The following GLYCTK variants were observed in gnomAD, a reference collection of about 807,000 sequenced individuals.
GLYCTK encodes the protein HBeAg binding protein 4.
In GLYCTK, 22 loss-of-function variants were observed where a neutral mutation model predicts 24.8. The observed-to-expected ratio is 0.89, with a 90% CI of 0.63 to 1.27. The LOEUF (loss-of-function observed/expected upper bound fraction) is 1.27, where lower values mean the gene tolerates loss of function less well. GLYCTK is among the 50% of genes most tolerant of loss of function. The pLI is 0.00. For missense variants in GLYCTK, 684 were observed against 686.7 expected (o/e 1.00, Z 0.04); for synonymous variants, 320 against 297.2 (o/e 1.08, Z -0.79).
Position 52,294,968 on chromosome 3 carries a change from CTGAGGGCTTTGGGTA to C in GLYCTK, c.*1845_*1859del. ...GGGCACATGACTCCCTGCATCCCTG[CTGAGGGCTTTGGGTA>C]TGGATAGGATCTTGCAGGAGGTTCC... On this transcript the variant is annotated 3_prime_UTR_variant, in exon 5 of 5. Transcript: ENST00000436784. The C allele has an allele frequency of 2.2e-6, 1 of 454,086 alleles. No individual in the cohort carries two copies. Among genetic ancestry groups the C allele is most frequent in the Non-Finnish European group, 4.4e-6 (1 of 226,780 alleles). 28.1% of individuals were successfully genotyped at this position (454,086 alleles called of 1,614,324 possible).
At chr3:52,292,133 T>C in intron 4 of GLYCTK, 127 bp from the exon 5 acceptor site, 2 of 1,352,882 alleles carry the variant, frequency 1.5e-6, no homozygotes, top group East Asian at 4.6e-5. Flanking sequence ...TGAGAGGAGT[T>C]AACCATGGGT....
intron 3 of GLYCTK, 83 bp from the exon 4 acceptor site, chr3:52,291,664 C>T: frequency 7.5e-7 from 1 of 1,338,072 alleles, no homozygotes; most frequent in Admixed American, 1.8e-5. Flanking sequence ...CCCCCTTTTT[C>T]TAATGTGGGC....
In GLYCTK at chr3:52,290,942, T is replaced by G; in HGVS notation, c.378-18T>G. The G allele has an allele frequency of 6.2e-7, 1 of 1,613,984 alleles. No homozygotes were observed. Among genetic ancestry groups the G allele is most frequent in the East Asian group, 2.2e-5 (1 of 44,888 alleles). ...GGAGTCCACCCCATCTCTTGCGTGC[T>G]GACCTTTCCCTCCCCAGGGAGATGC... On this transcript the variant is annotated intron_variant, in intron 2 of 4. Coordinates refer to ENST00000436784, the MANE Select transcript of GLYCTK (RefSeq NM_145262.4).
In GLYCTK at chr3:52,295,070, C is replaced by T. The variant is rs553497748; in HGVS notation, c.*1944C>T. Reference sequence around the variant, plus strand: ...TTGTAGGGGCTGGGAGGCCAGGGCCCGGATTGGACCCCATAGGGCCAAATG... The same window carrying T: ...TTGTAGGGGCTGGGAGGCCAGGGCCTGGATTGGACCCCATAGGGCCAAATG... On this transcript the variant is annotated 3_prime_UTR_variant, in exon 5 of 5. Coordinates refer to ENST00000436784, the MANE Select transcript of GLYCTK (RefSeq NM_145262.4). The T allele has an allele frequency of 1.5e-5, 7 of 454,024 alleles. No individual in the cohort carries two copies. The highest frequency in any genetic ancestry group is 1.4e-4 in the Admixed American group (6 of 42,578). The allele number at this position is 454,024 out of a possible 1,614,324, so 28.1% of individuals were successfully genotyped here.
Position 52,292,907 on chromosome 3 carries a change from C to T in GLYCTK, c.1353C>T (p.Thr451=), listed in dbSNP as rs774322722. The change falls in exon 5 of 5, where the codon ACC becomes ACT. Residue 451 remains threonine (T), a synonymous_variant. Coordinates refer to ENST00000436784, the MANE Select transcript of GLYCTK (RefSeq NM_145262.4). ...PIDVLFLSGG[T]DGQDGPTEAA... ...ATGTGCTGTTTTTGAGCGGTGGCAC[C>T]GATGGGCAGGATGGGCCCACAGAGG... The T allele has an allele frequency of 1.1e-5, 17 of 1,613,910 alleles. No individual in the cohort carries two copies. The highest frequency in any genetic ancestry group is 3.3e-4 in the Middle Eastern group (2 of 6,084).
chr3:52,290,851 A>G, intron 2 of GLYCTK, 109 bp from the exon 3 acceptor site: 1 of 1,585,634 alleles, frequency 6.3e-7, no homozygotes, highest in African/African-American at 1.3e-5. Flanking sequence ...CCCAGGATGC[A>G]TGTCAGTGGG....
In GLYCTK at chr3:52,293,053, C is replaced by T. The variant is rs1442380600; in HGVS notation, c.1499C>T (p.Ala500Val). 11 of 1,614,118 alleles carry T rather than the reference C, an allele frequency of 6.8e-6. No homozygotes were observed. The highest frequency in any genetic ancestry group is 8.5e-6 in the Non-Finnish European group (10 of 1,180,022). The change falls in exon 5 of 5, where the codon GCA becomes GTA. Residue 500 changes from alanine (A) to valine (V), a missense_variant. Ala to Val is a moderately conservative substitution (Grantham distance 64, BLOSUM62 0). Coordinates refer to ENST00000436784, the MANE Select transcript of GLYCTK (RefSeq NM_145262.4). ...TTCTTCTGCTGCCTCCAGGGTGGGG[C>T]ACACCTGCTGCACACAGGGATGACA... is the stretch of plus-strand genomic sequence containing the variant. ...HTFFCCLQGG[A>V]HLLHTGMTGT...
rs1030916593 is a variant in GLYCTK at position 52,293,211 on chromosome 3, T to G, written c.*85T>G. 7.0e-7 allele frequency: 1 copy of G among 1,432,646 alleles called. No individual in the cohort carries two copies. The highest frequency in any genetic ancestry group is 9.7e-7 in the Non-Finnish European group (1 of 1,031,318). The allele number at this position is 1,432,646 out of a possible 1,614,324, so 88.7% of individuals were successfully genotyped here. A position where few individuals can be genotyped will look rare whatever the true frequency, so the allele number is the denominator to read the frequency against. On this transcript the variant is annotated 3_prime_UTR_variant, in exon 5 of 5. Transcript: ENST00000436784. ...GAGCAAGGTTGGTCCTCAGGGCCTC[T>G]CTAAGCCTTAGGGCCCCTCCTCTCC... is the stretch of plus-strand genomic sequence containing the variant.
chr3:52,290,250 G>A (rs1196330027), intron 1 of GLYCTK, 54 bp from the exon 2 acceptor site: 1 of 1,467,784 alleles, frequency 6.8e-7, no homozygotes, highest in South Asian at 1.3e-5. Context: ...GCGGCCGTGG[G>A]GGACCTCCTG....
intron 1 of GLYCTK, 176 bp downstream of exon 1, chr3:52,288,052 T>A (rs1474378918): frequency 4.1e-6 from 1 of 245,876 alleles, no homozygotes; most frequent in Admixed American, 4.8e-5. Flanking sequence ...CCCTACTGTC[T>A]AGGGAAAGCC....
chr3:52,290,141 T>A, intron 1 of GLYCTK, 163 bp from the exon 2 acceptor site: 1 of 619,824 alleles, frequency 1.6e-6, no homozygotes, highest in Non-Finnish European at 2.8e-6. Context: ...ACGAGTAAGA[T>A]CCTGCAGCTG....
Position 52,291,913 on chromosome 3 carries a change from C to G in GLYCTK, c.696C>G (p.Tyr232Ter). The change falls in exon 4 of 5, where the codon TAC becomes TAG. Residue 232 changes from tyrosine (Y) to a stop codon, truncating the protein, a stop_gained. Transcript: ENST00000436784. LOFTEE classifies it high-confidence loss of function. ...LKGGGLAQAA[Y>*]PAQVVSLILS... Reference sequence around the variant, plus strand: ...GTGGGGGGCTGGCTCAGGCCGCCTACCCTGCCCAGGTATGAGTCCCTTCTT... The same window carrying G: ...GTGGGGGGCTGGCTCAGGCCGCCTAGCCTGCCCAGGTATGAGTCCCTTCTT... 6.2e-7 allele frequency: 1 copy of G among 1,612,834 alleles called. No homozygotes were observed. The highest frequency in any genetic ancestry group is 1.3e-5 in the African/African-American group (1 of 75,046).
Position 52,293,002 on chromosome 3 carries a change from TC to T in GLYCTK, c.1450del (p.Leu484Ter), listed in dbSNP as rs1700534123. 1 of 1,614,178 alleles carries T rather than the reference TC, an allele frequency of 6.2e-7. No homozygotes were observed. The highest frequency in any genetic ancestry group is 8.5e-7 in the Non-Finnish European group (1 of 1,180,018). On this transcript the variant is annotated frameshift_variant, in exon 5 of 5. Coordinates refer to ENST00000436784, the MANE Select transcript of GLYCTK (RefSeq NM_145262.4). LOFTEE classifies it high-confidence loss of function. ...GCTGAGGGCCTGGACATAGCCACCT[TC>T]CTAGCCCACAATGACTCACATACCT... ...AAAEGLDIAT[F>X]LAHNDSHTFF... is the part of the protein sequence containing the mutation.
rs1433875291 is a variant in GLYCTK, at chr3:52,294,245, A to G, written c.*1119A>G. On this transcript the variant is annotated 3_prime_UTR_variant, in exon 5 of 5. Coordinates refer to ENST00000436784, the MANE Select transcript of GLYCTK (RefSeq NM_145262.4). The stretch of plus-strand genomic sequence containing the variant: ...GTCCCCGCCGTGCGCCACGGCTCCA[A>G]TCCCTATATGAGTGAGCAGTAGAAT... The G allele has an allele frequency of 3.7e-6, 2 of 534,630 alleles. No homozygotes were observed. The highest frequency in any genetic ancestry group is 7.7e-6 in the Non-Finnish European group (2 of 260,072). The allele number at this position is 534,630 out of a possible 1,614,324, so 33.1% of individuals were successfully genotyped here.
chr3:52,291,156 ACC>A, intron 3 of GLYCTK, 45 bp downstream of exon 3: 1 of 1,599,894 alleles, frequency 6.3e-7, no homozygotes, highest in Non-Finnish European at 8.5e-7. Flanking sequence ...GGGGTGCACC[ACC>A]TGATCTCTCA....
chr3:52,293,178 A>G lies in GLYCTK; in HGVS notation c.*52A>G. 1 of 1,600,796 alleles carries G rather than the reference A, an allele frequency of 6.2e-7. No homozygotes were observed. Among genetic ancestry groups the G allele is most frequent in the Non-Finnish European group, 8.5e-7 (1 of 1,173,084 alleles). On this transcript the variant is annotated 3_prime_UTR_variant, in exon 5 of 5. Transcript: ENST00000436784. Reference sequence around the variant, plus strand: ...AGAGGAGGCCTACAAGGGCAAGGTCAGATGGCAGAGCAAGGTTGGTCCTCA... The same window carrying G: ...AGAGGAGGCCTACAAGGGCAAGGTCGGATGGCAGAGCAAGGTTGGTCCTCA...
At position 52,292,720 on chromosome 3, in the gene GLYCTK, A is replaced by G. The variant is rs1409009615; in HGVS notation, c.1166A>G (p.Glu389Gly). 1 of 1,608,782 alleles carries G rather than the reference A, an allele frequency of 6.2e-7. No homozygotes were observed. Among genetic ancestry groups the G allele is most frequent in the African/African-American group, 1.3e-5 (1 of 74,846 alleles). ...AELQIPDLQL[E>G]EALETMAWGR... is the part of the protein sequence containing the mutation. ...CTTCAGATCCCAGACCTGCAGCTGG[A>G]GGAGGCTCTGGAGACCATGGCATGG... The change falls in exon 5 of 5, where the codon GAG (glutamate) becomes GGG (glycine). Residue 389 changes from glutamate to glycine, a missense_variant. By Grantham distance (98) the Glu-to-Gly change is moderately conservative. Transcript: ENST00000436784.
intron 3 of GLYCTK, 154 bp from the exon 4 acceptor site, chr3:52,291,593 A>T (rs1376919038): frequency 4.3e-6 from 3 of 691,748 alleles, no homozygotes; most frequent in Non-Finnish European, 7.3e-6. Flanking sequence ...GGTGGCCAGG[A>T]TGTGGTGACT....
At chr3:52,291,568 G>T (rs2153220978) in intron 3 of GLYCTK, 179 bp from the exon 4 acceptor site, 1 of 624,716 alleles carries the variant, frequency 1.6e-6, no homozygotes, top group South Asian at 1.9e-5. Flanking sequence ...GTACCCCAAG[G>T]CAGGGGCAAC....
Sources: allele counts gnomAD v4.1 joint callset, GRCh38; gene constraint gnomAD v4.1.1; transcripts MANE v1.5; gene names NCBI Gene and HGNC (gene_info 2026-07-23, HGNC 2026-07-21).